The following CAMK2G variants were observed in gnomAD, a reference collection of about 807,000 sequenced individuals.
CAMK2G encodes calcium/calmodulin-dependent protein kinase type II subunit gamma.
Under a neutral mutation model 88.7 loss-of-function variants are expected in CAMK2G, and 23 were observed. The ratio of observed to expected loss-of-function variants is 0.26; its 90% CI spans 0.19 to 0.37. CAMK2G has a LOEUF of 0.37. CAMK2G is among the 10% of genes least tolerant of loss of function. The probability of loss-of-function intolerance (pLI) is 1.00; values close to 1 mark genes in which losing one functional copy is unlikely to be tolerated. For missense variants in CAMK2G, 476 were observed against 780.8 expected (o/e 0.61, Z 4.65); for synonymous variants, 263 against 294.8 (o/e 0.89, Z 1.11).
intron 16 of CAMK2G, among the ~76,000 whole-genome samples, chr10:73,824,512 G>A (rs767708331): frequency 6.6e-6 from 1 of 152,230 alleles, no homozygotes; most frequent in East Asian, 1.9e-4. Context: ...GAAGAATGAG[G>A]TCTCCCAGAA....
rs757632135 is a variant in CAMK2G at position 73,819,488 on chromosome 10, G to A, written c.1363+44C>T. ...GGGGGTCCCTGAGGGGCTTCAGGACGAGCCAGGGAGACGGAAGCCAGAATG... is the reference window on the plus strand; with the variant it reads ...GGGGGTCCCTGAGGGGCTTCAGGACAAGCCAGGGAGACGGAAGCCAGAATG... On this transcript the variant is annotated intron_variant, in intron 19 of 22. Transcript: ENST00000423381. The A allele has an allele frequency of 5.1e-6, 7 of 1,383,620 alleles. No individual in the cohort carries two copies. In the South Asian group the frequency reaches 6.2e-5, roughly 12 times the overall value. The allele number at this position is 1,383,620 out of a possible 1,614,324, so 85.7% of individuals were successfully genotyped here. A position where few individuals can be genotyped will look rare whatever the true frequency, so the allele number is the denominator to read the frequency against.
chr10:73,832,522 G>C (rs1427691919), intron 14 of CAMK2G, among the ~76,000 whole-genome samples: 1 of 152,044 alleles, frequency 6.6e-6, no homozygotes, highest in Non-Finnish European at 1.5e-5. Context: ...GGCCAGGCTG[G>C]TCTCGATCTC....
intron 2 of CAMK2G, among the ~76,000 whole-genome samples, chr10:73,866,214 AG>A (rs1312139537): frequency 1.3e-5 from 2 of 152,214 alleles, no homozygotes; most frequent in African/African-American, 4.8e-5. Flanking sequence ...ACGATTTCAC[AG>A]GAAGGGCAGC....
At chr10:73,860,141 G>A (rs978904519) in intron 3 of CAMK2G, among the ~76,000 whole-genome samples, 5 of 152,346 alleles carry the variant, frequency 3.3e-5, no homozygotes, top group Non-Finnish European at 7.3e-5. Context: ...CAGGGCCAAC[G>A]CTTTTGGCAA....
At chr10:73,853,289 C>G (rs572121724) in intron 3 of CAMK2G, 43 bp from the exon 4 acceptor site, 2 of 1,575,912 alleles carry the variant, frequency 1.3e-6, no homozygotes, top group Non-Finnish European at 1.7e-6. Context: ...AGAGAGAAAA[C>G]TTGGAAATCC....
In CAMK2G at chr10:73,842,453, C is replaced by T; in HGVS notation, c.903+5G>A. 1.2e-6 allele frequency: 2 copies of T among 1,607,340 alleles called. No homozygotes were observed. Among genetic ancestry groups the T allele is most frequent in the Non-Finnish European group, 1.7e-6 (2 of 1,173,752 alleles). On this transcript the variant is annotated splice_donor_5th_base_variant and intron_variant, in intron 11 of 22. Coordinates refer to ENST00000423381, the MANE Select transcript of CAMK2G (RefSeq NM_001367534.1). This position sits in a 1 kb window ranked among gnomAD's most constrained non-coding sequence, Gnocchi z 4.6. ...GGAGGCTGGCAGCCTAGAAACGACA[C>T]TCACCTTCAGTTTTCTCCGGGCATT... is the stretch of plus-strand genomic sequence containing the variant.
At chr10:73,837,789 T>G (rs994952428) in intron 13 of CAMK2G, among the ~76,000 whole-genome samples, 2 of 152,116 alleles carry the variant, frequency 1.3e-5, no homozygotes, top group African/African-American at 4.8e-5. Flanking sequence ...TGGAGCCGCC[T>G]GGGGCACTGG....
chr10:73,835,311 T>C (rs1208849710), intron 14 of CAMK2G, among the ~76,000 whole-genome samples: 3 of 151,994 alleles, frequency 2.0e-5, no homozygotes, highest in Non-Finnish European at 4.4e-5. Context: ...TTTTTTTTTT[T>C]TTGAGGCAGG....
rs146024416 is a variant in CAMK2G, at chr10:73,842,249, C to T, written c.904-38G>A. On this transcript the variant is annotated intron_variant, in intron 11 of 22. Coordinates refer to ENST00000423381, the MANE Select transcript of CAMK2G (RefSeq NM_001367534.1). The surrounding 1 kb of genome is among the most constrained non-coding windows in gnomAD (Gnocchi z 4.6). ...GAAGGTCCTGTGAATTCACTGAGACCCTAGAAAAGGGCAGGCTGGTCTCAG... is the reference window on the plus strand; with the variant it reads ...GAAGGTCCTGTGAATTCACTGAGACTCTAGAAAAGGGCAGGCTGGTCTCAG... 1.9e-6 allele frequency: 3 copies of T among 1,565,952 alleles called. No homozygotes were observed. The highest frequency in any genetic ancestry group is 8.8e-7 in the Non-Finnish European group (1 of 1,136,118).
intron 21 of CAMK2G, chr10:73,815,732 A>T: frequency 1.2e-6 from 1 of 861,312 alleles, no homozygotes; most frequent in Non-Finnish European, 1.4e-6. Context: ...CATGAACTTA[A>T]ACCATTCAAA....
chr10:73,860,856 C>T lies in CAMK2G; in HGVS notation c.194G>A (p.Cys65Tyr). The part of the protein sequence containing the change: ...HQKLEREARI[C>Y]RLLKHPNIVR... ...GATGTTTGGATGTTTCAGAAGTCGA[C>T]ATATCCGAGCCTCACGTTCTAGTTT... The change falls in exon 3 of 23, where the codon TGT becomes TAT. Residue 65 changes from cysteine to tyrosine, a missense_variant. Cys to Tyr is a radical substitution (Grantham distance 194, BLOSUM62 -2). Around this residue, in one of 3 missense-constraint regions of CAMK2G, gnomAD observed 164 missense variants for 385.6 expected, o/e 0.43. Coordinates refer to ENST00000423381, the MANE Select transcript of CAMK2G (RefSeq NM_001367534.1). The T allele has an allele frequency of 6.2e-7, 1 of 1,613,892 alleles. No homozygotes were observed. The highest frequency in any genetic ancestry group is 8.5e-7 in the Non-Finnish European group (1 of 1,179,752).
chr10:73,827,013 A>G (rs2091160847), intron 15 of CAMK2G, among the ~76,000 whole-genome samples: 1 of 152,116 alleles, frequency 6.6e-6, no homozygotes, highest in South Asian at 2.1e-4. Flanking sequence ...CATTCCCACC[A>G]AGAAGCAAAG....
chr10:73,867,934 A>G (rs1423147029), intron 2 of CAMK2G, among the ~76,000 whole-genome samples: 4 of 152,182 alleles, frequency 2.6e-5, no homozygotes, highest in Non-Finnish European at 5.9e-5. Flanking sequence ...AAGACCCCAG[A>G]CAAAGCTTTT....
At chr10:73,864,590 C>G (rs1295201632) in intron 2 of CAMK2G, among the ~76,000 whole-genome samples, 2 of 152,210 alleles carry the variant, frequency 1.3e-5, no homozygotes, top group Non-Finnish European at 2.9e-5. Flanking sequence ...GTAGGTGAGA[C>G]AGTGAGCCAG....
chr10:73,816,112 G>A (rs1257811024), intron 21 of CAMK2G: 1 of 985,414 alleles, frequency 1.0e-6, no homozygotes, highest in African/African-American at 1.7e-5. Context: ...CATAAAGTGG[G>A]AAGAGATAAA....
At chr10:73,818,053 C>G (rs560703004) in intron 19 of CAMK2G, among the ~76,000 whole-genome samples, 3 of 152,312 alleles carry the variant, frequency 2.0e-5, no homozygotes, top group African/African-American at 7.2e-5. Context: ...GGTAGCCTGA[C>G]AGCAGAATCC....
chr10:73,858,866 C>G (rs143150906), intron 3 of CAMK2G, among the ~76,000 whole-genome samples: 1 of 152,328 alleles, frequency 6.6e-6, no homozygotes, highest in African/African-American at 2.4e-5. Context: ...GCTCATTTCT[C>G]AATTGTCTTC....
At chr10:73,818,364 G>A (rs894597773) in intron 19 of CAMK2G, 1 of 254,652 alleles carries the variant, frequency 3.9e-6, no homozygotes, top group Non-Finnish European at 8.0e-6. Flanking sequence ...AGGGACAGCT[G>A]GTGATGTCCT....
At chr10:73,850,981 C>A (rs543347743) in intron 5 of CAMK2G, among the ~76,000 whole-genome samples, 3 of 152,228 alleles carry the variant, frequency 2.0e-5, no homozygotes, top group African/African-American at 7.2e-5. Context: ...GTCACCCCCC[C>A]TCAGGGCCCC....
Sources: allele counts gnomAD v4.1 joint callset (sites outside exome capture counted in the v4.1 genomes callset), GRCh38; gene constraint gnomAD v4.1.1; regional missense constraint gnomAD v4.1.1; non-coding constraint Gnocchi (gnomAD v3.1); transcripts MANE v1.5; gene names NCBI Gene and HGNC (gene_info 2026-07-23, HGNC 2026-07-21).